Variants in VPS8 observed in about 807,000 individuals in gnomAD.
The protein encoded by VPS8 is vacuolar protein sorting-associated protein 8 homolog.
In VPS8, 129 loss-of-function variants were observed where a neutral mutation model predicts 216.4. The ratio of observed to expected loss-of-function variants is 0.60; its 90% CI spans 0.52 to 0.69. The LOEUF is 0.69. VPS8 is among the 30% of genes least tolerant of loss of function. VPS8 has a pLI of 0.00. For missense variants in VPS8, 1,531 were observed against 1,683.5 expected, an observed-to-expected ratio of 0.91 and a Z score of 1.59; for synonymous variants, 571 against 565.4, an observed-to-expected ratio of 1.01 and a Z score of -0.14.
Position 184,919,043 on chromosome 3 carries a change from A to G in VPS8, c.2383-1084A>G, listed in dbSNP as rs150086825. 8 of 152,280 alleles carry G rather than the reference A, an allele frequency of 5.3e-5. No homozygotes were observed. In the East Asian group the frequency reaches 1.5e-3, roughly 29 times the overall value. 9.4% of individuals were successfully genotyped at this position (152,280 alleles called of 1,614,324 possible). A position where few individuals can be genotyped will look rare whatever the true frequency, so the allele number is the denominator to read the frequency against. On this transcript the variant is annotated intron_variant, in intron 28 of 47. Coordinates refer to ENST00000625842, the MANE Select transcript of VPS8 (RefSeq NM_001009921.3). Reference sequence around the variant, plus strand: ...CTAGTTGAAAAAAAAAGTTGAGAATATTTTGTTTTTCTGTGCATCAAACAG... The same window carrying G: ...CTAGTTGAAAAAAAAAGTTGAGAATGTTTTGTTTTTCTGTGCATCAAACAG...
intron 5 of VPS8, among the ~76,000 whole-genome samples, chr3:184,835,287 G>A (rs1041722270): frequency 6.6e-6 from 1 of 152,154 alleles, no homozygotes; most frequent in Non-Finnish European, 1.5e-5. Flanking sequence ...AGATCATTCT[G>A]TTAGGAGGTA....
chr3:185,008,290 A>G (rs929328938), intron 45 of VPS8, among the ~76,000 whole-genome samples: 1 of 152,176 alleles, frequency 6.6e-6, no homozygotes, highest in African/African-American at 2.4e-5. Flanking sequence ...TCATTACTTC[A>G]GCCAATATTT....
intron 37 of VPS8, among the ~76,000 whole-genome samples, chr3:184,959,902 A>G (rs1465943453): frequency 6.6e-6 from 1 of 151,522 alleles, no homozygotes; most frequent in East Asian, 1.9e-4. Flanking sequence ...GGTTTGTTAC[A>G]TATGTATACA....
Position 185,012,979 on chromosome 3 carries a change from A to AT in VPS8, c.4003-11357_4003-11356insT, listed in dbSNP as rs1561115003. On this transcript the variant is annotated intron_variant, in intron 45 of 47. Coordinates refer to ENST00000625842, the MANE Select transcript of VPS8 (RefSeq NM_001009921.3). ...GCTAAAAGCATTTCCTACGGGAAAT[A>AT]ACTAAAAGCATTTCCTACAGGAAAT... 5.9e-3 allele frequency among the ~76,000 whole-genome samples: 893 copies of AT among 151,756 alleles called. 8 individuals carry two copies. The highest frequency in any genetic ancestry group is 0.02 in the African/African-American group (837 of 41,036).
intron 1 of VPS8, among the ~76,000 whole-genome samples, chr3:184,821,454 C>G (rs1053838988): frequency 4.6e-5 from 7 of 152,062 alleles, no homozygotes; most frequent in African/African-American, 1.7e-4. Flanking sequence ...AGCAATTCTC[C>G]TGCCTCAGCC....
chr3:184,830,210 A>AC (rs1188508769), intron 3 of VPS8, among the ~76,000 whole-genome samples: 94 of 152,276 alleles, frequency 6.2e-4, no homozygotes, highest in Non-Finnish European at 1.2e-3. Context: ...CCATGTACTA[A>AC]AAAGAGTATT....
chr3:184,945,469 A>G (rs1223246609), intron 36 of VPS8, among the ~76,000 whole-genome samples: 1 of 152,174 alleles, frequency 6.6e-6, no homozygotes, highest in Non-Finnish European at 1.5e-5. Flanking sequence ...TATCTTAAAT[A>G]AAATCCTGAG....
chr3:184,920,271 T>C (rs1738375331), intron 29 of VPS8, 73 bp downstream of exon 29: 1 of 1,011,496 alleles, frequency 9.9e-7, no homozygotes, highest in Admixed American at 3.6e-5. Context: ...TATAGCAGGT[T>C]ATAAAATAAT....
intron 21 of VPS8, among the ~76,000 whole-genome samples, chr3:184,872,227 T>C (rs904120277): frequency 1.3e-5 from 2 of 152,012 alleles, no homozygotes; most frequent in African/African-American, 2.4e-5. Context: ...AGGTATACTT[T>C]GTTGAAAAAA....
chr3:184,923,740 A>G (rs1196405190), intron 29 of VPS8, among the ~76,000 whole-genome samples: 2 of 152,202 alleles, frequency 1.3e-5, no homozygotes, highest in Non-Finnish European at 2.9e-5. Flanking sequence ...TCCCCTTAAC[A>G]AATGTGTTTT....
At chr3:184,863,106 T>C in intron 16 of VPS8, 39 bp downstream of exon 16, 1 of 1,598,226 alleles carries the variant, frequency 6.3e-7, no homozygotes, top group Non-Finnish European at 8.5e-7. Flanking sequence ...TAGAAAATAC[T>C]TTGATAAACT....
At position 184,854,051 on chromosome 3, in the gene VPS8, C is replaced by T. The variant is rs970850205; in HGVS notation, c.975+41C>T. ...AGTTAAAACTCAGAACTTTTAGAAG[C>T]TTTGAATACCAAATATTTGAAAATT... is the stretch of plus-strand genomic sequence containing the variant. On this transcript the variant is annotated intron_variant, in intron 12 of 47. Transcript: ENST00000625842. 2.5e-6 allele frequency: 4 copies of T among 1,612,292 alleles called. No individual in the cohort carries two copies. The African/African-American group carries it at 4.0e-5, about 16-fold the overall frequency.
intron 24 of VPS8, among the ~76,000 whole-genome samples, chr3:184,899,684 G>C (rs2108976872): frequency 6.6e-6 from 1 of 152,268 alleles, no homozygotes; most frequent in South Asian, 2.1e-4. Flanking sequence ...TCTCAGTGAG[G>C]TCCAGTGCCT....
At position 184,913,618 on chromosome 3, in the gene VPS8, T is replaced by A. The variant is rs1352381377; in HGVS notation, c.2189+57T>A. 2.2e-6 allele frequency: 3 copies of A among 1,381,860 alleles called. No homozygotes were observed. In the African/African-American group the frequency reaches 4.4e-5, roughly 20 times the overall value. 85.6% of individuals were successfully genotyped at this position (1,381,860 alleles called of 1,614,324 possible). On this transcript the variant is annotated intron_variant, in intron 26 of 47. Coordinates refer to ENST00000625842, the MANE Select transcript of VPS8 (RefSeq NM_001009921.3). The stretch of plus-strand genomic sequence containing the variant: ...ATGTTCTTTCTATATTTTTCCTATA[T>A]TTTTAGAGATACTATGATCTCTTAT...
intron 21 of VPS8, among the ~76,000 whole-genome samples, chr3:184,881,124 T>C (rs995312271): frequency 6.6e-6 from 1 of 152,186 alleles, no homozygotes; most frequent in African/African-American, 2.4e-5. Flanking sequence ...AACAGGATCT[T>C]TTGCAAACCA....
intron 45 of VPS8, among the ~76,000 whole-genome samples, chr3:185,006,274 A>G (rs565371237): frequency 1.2e-4 from 18 of 152,022 alleles, no homozygotes; most frequent in Non-Finnish European, 2.4e-4. Flanking sequence ...TATCAAATAC[A>G]TGTGTTAGAT....
At chr3:184,966,458 A>G (rs1159825620) in intron 38 of VPS8, among the ~76,000 whole-genome samples, 2 of 152,214 alleles carry the variant, frequency 1.3e-5, no homozygotes, top group Non-Finnish European at 2.9e-5. Flanking sequence ...GAGGTGGGCA[A>G]AATGAGTGCT....
Position 184,915,351 on chromosome 3 carries a change from G to T in VPS8, c.2263-4G>T, listed in dbSNP as rs1403856364. On this transcript the variant is annotated splice_region_variant and splice_polypyrimidine_tract_variant and intron_variant, in intron 27 of 47. Coordinates refer to ENST00000625842, the MANE Select transcript of VPS8 (RefSeq NM_001009921.3). ...ATAATCAACATTTTTTTCCCAACTT[G>T]CAGGTTTTTGAATTTCTAATTCGCC... 2 of 1,608,496 alleles carry T rather than the reference G, an allele frequency of 1.2e-6. No individual in the cohort carries two copies. Among genetic ancestry groups the T allele is most frequent in the Non-Finnish European group, 8.5e-7 (1 of 1,177,910 alleles).
chr3:184,820,880 A>G (rs1348013035), intron 1 of VPS8, among the ~76,000 whole-genome samples: 1 of 152,232 alleles, frequency 6.6e-6, no homozygotes, highest in Non-Finnish European at 1.5e-5. Context: ...TAAAGTTTTT[A>G]TTAAGTGTCT....
Sources: gnomAD v4.1 joint callset for allele counts (sites outside exome capture counted in the v4.1 genomes callset) on GRCh38, gnomAD v4.1.1 for gene constraint, MANE v1.5 for transcripts, NCBI Gene and HGNC (gene_info 2026-07-23, HGNC 2026-07-21) for gene names.